Variants in WDPCP observed in about 807,000 individuals in gnomAD.
The protein encoded by WDPCP is WD repeat-containing and planar cell polarity effector protein fritz homolog.
A neutral mutation model predicts 93.1 loss-of-function variants in WDPCP; 71 were observed. The ratio of observed to expected loss-of-function variants is 0.76; its 90% CI spans 0.63 to 0.93. The LOEUF is 0.93. Ranked by LOEUF, WDPCP falls within the 40% of genes least tolerant of loss-of-function variation. WDPCP has a pLI of 0.00. For synonymous variants in WDPCP, 315 were observed against 315.0 expected, an observed-to-expected ratio of 1.00 and a Z score of 0.00; for missense variants, 844 against 887.4, an observed-to-expected ratio of 0.95 and a Z score of 0.62.
chr2:63,363,476 T>C (rs1690647419), intron 12 of WDPCP, among the ~76,000 whole-genome samples: 1 of 152,060 alleles, frequency 6.6e-6, no homozygotes, highest in South Asian at 2.1e-4. Context: ...GGTGAGCCTA[T>C]AGTCCCAGCT....
At chr2:63,288,911 C>T (rs1244911561) in intron 13 of WDPCP, among the ~76,000 whole-genome samples, 4 of 151,878 alleles carry the variant, frequency 2.6e-5, no homozygotes, top group South Asian at 4.2e-4. Context: ...TAGGTTCAAT[C>T]GATACTCCCC....
intron 10 of WDPCP, among the ~76,000 whole-genome samples, chr2:63,391,506 A>G (rs1428571726): frequency 6.6e-6 from 1 of 152,034 alleles, no homozygotes; most frequent in African/African-American, 2.4e-5. Flanking sequence ...CTCTCTCACC[A>G]CTCCTATTCA....
intron 12 of WDPCP, among the ~76,000 whole-genome samples, chr2:63,341,389 A>G (rs1688828658): frequency 6.6e-6 from 1 of 152,180 alleles, no homozygotes; most frequent in Non-Finnish European, 1.5e-5. Context: ...TCGGCCTCCC[A>G]AAGTGCTGGG....
chr2:63,734,299 TG>T (rs1669607012), intron 2 of WDPCP, among the ~76,000 whole-genome samples: 1 of 152,158 alleles, frequency 6.6e-6, no homozygotes, highest in African/African-American at 2.4e-5. Flanking sequence ...GTATAAAAAT[TG>T]GCAAACATCA....
At chr2:63,264,024 A>G (rs1422970357) in intron 13 of WDPCP, among the ~76,000 whole-genome samples, 3 of 152,190 alleles carry the variant, frequency 2.0e-5, no homozygotes, top group African/African-American at 7.2e-5. Context: ...TCTGGTATCT[A>G]ATTTTGTATT....
chr2:63,174,812 T>C lies in WDPCP; in HGVS notation c.1936A>G (p.Arg646Gly). Residue 646 changes from arginine (R) to glycine (G), a missense_variant, in exon 15 of 18, where the codon AGA becomes GGA. Transcript: ENST00000272321. ...AATGCTTCATTTAGCATATCCCCTC[T>C]GTCCAAGGGTCCCAGGAGTTCTGTT... ...SGVELLGPLD[R>G]GDMLNEAFIG... 6.2e-7 allele frequency: 1 copy of C among 1,613,900 alleles called. No individual in the cohort carries two copies. The highest frequency in any genetic ancestry group is 8.5e-7 in the Non-Finnish European group (1 of 1,179,868).
chr2:63,534,684 TA>T (rs1553425271), intron 1 of WDPCP, among the ~76,000 whole-genome samples: 4 of 152,176 alleles, frequency 2.6e-5, no homozygotes, highest in Non-Finnish European at 5.9e-5. Flanking sequence ...AAACTCTGAA[TA>T]AACTAGGTAT....
chr2:63,829,930 G>A (rs114869013), upstream of WDPCP, among the ~76,000 whole-genome samples: 2 of 152,160 alleles, frequency 1.3e-5, no homozygotes, highest in Non-Finnish European at 2.9e-5. Context: ...ACCTATTGAA[G>A]GAGAATGTTC....
At chr2:63,472,821 A>T (rs1431572535) in intron 6 of WDPCP, among the ~76,000 whole-genome samples, 2 of 152,166 alleles carry the variant, frequency 1.3e-5, no homozygotes, top group East Asian at 3.8e-4. Context: ...TGGCCCCCCA[A>T]AGTGCTAGGA....
At chr2:63,234,120 T>C (rs1652560623) in intron 14 of WDPCP, among the ~76,000 whole-genome samples, 1 of 152,192 alleles carries the variant, frequency 6.6e-6, no homozygotes, top group Non-Finnish European at 1.5e-5. Context: ...TTCTCCATCA[T>C]ACAGTAAATA....
rs1681430304 is a variant in WDPCP, at chr2:63,259,468, G to A, written c.1813-59C>T. On this transcript the variant is annotated intron_variant, in intron 13 of 17. Coordinates refer to ENST00000272321, the MANE Select transcript of WDPCP (RefSeq NM_015910.7). ...AAAATGAACCTTGCCCAAGTTACAA[G>A]GAGGATTTTGAAGGAAACTTATTGT... 4.4e-6 allele frequency: 6 copies of A among 1,350,084 alleles called. No homozygotes were observed. In the South Asian group the frequency reaches 5.9e-5, roughly 13 times the overall value. 83.6% of individuals were successfully genotyped at this position (1,350,084 alleles called of 1,614,324 possible).
chr2:63,549,584 T>C (rs1018840380), intron 1 of WDPCP, among the ~76,000 whole-genome samples: 7 of 152,066 alleles, frequency 4.6e-5, no homozygotes, highest in African/African-American at 7.2e-5. Context: ...CTGGCCAAGA[T>C]GGTGAAACCC....
At chr2:63,817,471 AAAC>A (rs1670953890) in intron 1 of WDPCP, among the ~76,000 whole-genome samples, 7 of 152,196 alleles carry the variant, frequency 4.6e-5, no homozygotes, top group Admixed American at 4.6e-4. Context: ...GAATAAACCA[AAAC>A]AACAAACAGC....
intron 14 of WDPCP, among the ~76,000 whole-genome samples, chr2:63,212,067 C>G (rs1676865531): frequency 6.6e-6 from 1 of 152,124 alleles, no homozygotes; most frequent in South Asian, 2.1e-4. Flanking sequence ...TCAAAGAGAA[C>G]TTCTCCAGCT....
chr2:63,155,119 T>C (rs1040899371), intron 15 of WDPCP, among the ~76,000 whole-genome samples: 8 of 152,204 alleles, frequency 5.3e-5, no homozygotes, highest in Non-Finnish European at 1.0e-4. Context: ...ATAGTGCCTT[T>C]TGAGGAACAA....
intron 2 of WDPCP, among the ~76,000 whole-genome samples, chr2:63,796,577 T>G (rs976679695): frequency 6.6e-6 from 1 of 152,156 alleles, no homozygotes; most frequent in African/African-American, 2.4e-5. Context: ...ACAGTGACTG[T>G]GAAACATTGC....
chr2:63,323,593 C>A (rs4671482), intron 12 of WDPCP, among the ~76,000 whole-genome samples: 119,153 of 151,976 alleles, frequency 0.78, 47,292 homozygotes, highest in East Asian at 0.96. Context: ...AGGGTATGGC[C>A]CTCCACTTCA....
intron 2 of WDPCP, among the ~76,000 whole-genome samples, chr2:63,804,150 C>A (rs1304779738): frequency 6.6e-6 from 1 of 152,024 alleles, no homozygotes. Context: ...GCAGGGGTGG[C>A]ATCACACTTT....
intron 13 of WDPCP, among the ~76,000 whole-genome samples, chr2:63,294,110 AAG>A (rs1684653370): frequency 6.6e-6 from 1 of 152,236 alleles, no homozygotes; most frequent in Non-Finnish European, 1.5e-5. Context: ...TGAAAGCAGA[AAG>A]AGAGAAGTGA....
Sources: gnomAD v4.1 joint callset for allele counts (sites outside exome capture counted in the v4.1 genomes callset) on GRCh38, gnomAD v4.1.1 for gene constraint, MANE v1.5 for transcripts, NCBI Gene and HGNC (gene_info 2026-07-23, HGNC 2026-07-21) for gene names.